The following BMP7 variants were observed in gnomAD, a reference collection of about 807,000 sequenced individuals.
BMP7 encodes the protein bone morphogenetic protein 7.
A neutral mutation model predicts 41.2 loss-of-function variants in BMP7; 12 were observed. The ratio of observed to expected loss-of-function variants is 0.29; its 90% CI spans 0.19 to 0.47. BMP7 has a LOEUF of 0.47. BMP7 is among the 20% of genes least tolerant of loss of function. The pLI is 0.99. For missense variants in BMP7, 467 were observed against 606.0 expected (o/e 0.77, Z 2.41); for synonymous variants, 248 against 250.0 (o/e 0.99, Z 0.07).
intron 3 of BMP7, among the ~76,000 whole-genome samples, chr20:57,190,776 G>A (rs1328269231): frequency 1.3e-5 from 2 of 152,158 alleles, no homozygotes; most frequent in African/African-American, 4.8e-5. Context: ...CAACAACTTA[G>A]GGGAAGGATG....
intron 2 of BMP7, among the ~76,000 whole-genome samples, chr20:57,212,038 A>G (rs1984899697): frequency 6.6e-6 from 1 of 152,246 alleles, no homozygotes; most frequent in African/African-American, 2.4e-5. Flanking sequence ...CCAGAGACAC[A>G]GCGGCAGCCA....
At chr20:57,233,579 G>A (rs2066036888) in intron 1 of BMP7, among the ~76,000 whole-genome samples, 1 of 152,218 alleles carries the variant, frequency 6.6e-6, no homozygotes, top group Non-Finnish European at 1.5e-5. Flanking sequence ...GCCATGCCAG[G>A]GAAGACTTCT....
At chr20:57,255,799 C>CAA (rs3067106) in intron 1 of BMP7, among the ~76,000 whole-genome samples, 8,898 of 48,488 alleles carry the variant, frequency 0.18, 1,446 homozygotes, top group Middle Eastern at 0.27. Flanking sequence ...GACTCCATCT[C>CAA]AAAAAAAAAA....
intron 2 of BMP7, among the ~76,000 whole-genome samples, chr20:57,216,167 A>G (rs79016000): frequency 0.024 from 3,596 of 152,196 alleles, 138 homozygotes; most frequent in African/African-American, 0.081. Flanking sequence ...GGCTGAGGAC[A>G]TCAGCTTGCA....
At chr20:57,249,849 C>G (rs2066105125) in intron 1 of BMP7, among the ~76,000 whole-genome samples, 1 of 152,292 alleles carries the variant, frequency 6.6e-6, no homozygotes, top group African/African-American at 2.4e-5. Flanking sequence ...TGAGAGTTCC[C>G]TGCAGGTGAG....
intron 2 of BMP7, among the ~76,000 whole-genome samples, chr20:57,221,531 G>A (rs536324128): frequency 6.6e-6 from 1 of 152,268 alleles, no homozygotes; most frequent in Non-Finnish European, 1.5e-5. Flanking sequence ...GAGGGTGTGG[G>A]AGCAGGCACG....
At position 57,214,057 on chromosome 20, in the gene BMP7, T is replaced by G. The variant is rs1984955693; in HGVS notation, c.612-11434A>C. Among the ~76,000 whole-genome samples the G allele has an allele frequency of 6.6e-6, 1 of 152,168 alleles. No homozygotes were observed. The highest frequency in any genetic ancestry group is 6.5e-5 in the Admixed American group (1 of 15,286). Reference sequence around the variant, plus strand: ...GCAGTGAGCTGACCCCAACTCAAGATGGAACCATCTTAGAACAAGGTGCGG... The same window carrying G: ...GCAGTGAGCTGACCCCAACTCAAGAGGGAACCATCTTAGAACAAGGTGCGG... On this transcript the variant is annotated intron_variant, in intron 2 of 6. Transcript: ENST00000395863. This position sits in a 1 kb window ranked among gnomAD's most constrained non-coding sequence, Gnocchi z 4.0.
At chr20:57,176,546 C>T (rs1440311916) in intron 4 of BMP7, among the ~76,000 whole-genome samples, 3 of 152,068 alleles carry the variant, frequency 2.0e-5, no homozygotes, top group East Asian at 1.9e-4. Flanking sequence ...GAGTCTAACT[C>T]GTGAGTCAAG....
intron 3 of BMP7, among the ~76,000 whole-genome samples, chr20:57,197,193 C>A (rs561963487): frequency 6.6e-6 from 1 of 152,066 alleles, no homozygotes; most frequent in East Asian, 1.9e-4. Context: ...AGCCACCGCA[C>A]CCGGCCCTAA....
chr20:57,170,728 G>T lies in BMP7; in HGVS notation c.*231C>A. On this transcript the variant is annotated 3_prime_UTR_variant, in exon 7 of 7. Transcript: ENST00000395863. Reference sequence around the variant, plus strand: ...TCTTTATGCGTTGTTTTTTTTTCCTGCTAGGTTTTGCCTGCACAGCTTGTA... The same window carrying T: ...TCTTTATGCGTTGTTTTTTTTTCCTTCTAGGTTTTGCCTGCACAGCTTGTA... 3.7e-6 allele frequency: 2 copies of T among 539,676 alleles called. No homozygotes were observed. Among genetic ancestry groups the T allele is most frequent in the Non-Finnish European group, 3.3e-6 (1 of 307,322 alleles). 33.4% of individuals were successfully genotyped at this position (539,676 alleles called of 1,614,324 possible). A position where few individuals can be genotyped will look rare whatever the true frequency, so the allele number is the denominator to read the frequency against.
intron 2 of BMP7, among the ~76,000 whole-genome samples, chr20:57,226,125 C>A (rs1308163943): frequency 6.6e-6 from 1 of 152,244 alleles, no homozygotes; most frequent in Non-Finnish European, 1.5e-5. Flanking sequence ...AGGCCTGCTG[C>A]CCAACCCTGC....
At chr20:57,250,992 T>A (rs922895885) in intron 1 of BMP7, among the ~76,000 whole-genome samples, 14 of 152,178 alleles carry the variant, frequency 9.2e-5, no homozygotes, top group South Asian at 2.1e-4. Context: ...GGGGCCACCG[T>A]GCCCACTGCC....
chr20:57,224,846 C>G lies in BMP7; in HGVS notation c.611+3383G>C, dbSNP rs116777572. 2 of 152,288 alleles carry G rather than the reference C, an allele frequency of 1.3e-5. No homozygotes were observed. Among genetic ancestry groups the G allele is most frequent in the African/African-American group, 4.8e-5 (2 of 41,464 alleles). 9.4% of individuals were successfully genotyped at this position (152,288 alleles called of 1,614,324 possible). ...TCTGGGGCCGCGCTTTAAGCAGAGC[C>G]GCAGGGCTATGGAAGGCCTCCAGCT... On this transcript the variant is annotated intron_variant, in intron 2 of 6. Transcript: ENST00000395863. The surrounding 1 kb of genome is among the most constrained non-coding windows in gnomAD (Gnocchi z 4.8).
intron 1 of BMP7, among the ~76,000 whole-genome samples, chr20:57,252,941 A>T (rs1223621091): frequency 6.6e-6 from 1 of 152,202 alleles, no homozygotes; most frequent in Admixed American, 6.5e-5. Flanking sequence ...GAATGCTGCC[A>T]AACATCCTAT....
At chr20:57,205,414 T>C (rs1984708455) in intron 2 of BMP7, among the ~76,000 whole-genome samples, 1 of 152,264 alleles carries the variant, frequency 6.6e-6, no homozygotes, top group Non-Finnish European at 1.5e-5. Flanking sequence ...AATTTCCTGC[T>C]GTCTTATCTC....
Position 57,171,938 on chromosome 20 carries a change from C to T in BMP7, c.1147-830G>A, listed in dbSNP as rs545442155. ...GCAAATTCCAGCCATCAGCTCATTT[C>T]CTCTGGAAGCATTTCATCAGGACTC... On this transcript the variant is annotated intron_variant, in intron 6 of 6. Transcript: ENST00000395863. The surrounding 1 kb of genome is among the most constrained non-coding windows in gnomAD (Gnocchi z 4.5). Among the ~76,000 whole-genome samples, 4 of 152,380 alleles carry T rather than the reference C, an allele frequency of 2.6e-5. No individual in the cohort carries two copies. Among genetic ancestry groups the T allele is most frequent in the South Asian group, 4.1e-4 (2 of 4,824 alleles).
intron 1 of BMP7, among the ~76,000 whole-genome samples, chr20:57,251,459 C>T (rs1275581318): frequency 1.3e-5 from 2 of 152,220 alleles, no homozygotes; most frequent in Admixed American, 6.5e-5. Flanking sequence ...CTGTGTTCGA[C>T]ATCACCCTTG....
At chr20:57,207,952 C>A (rs1984780087) in intron 2 of BMP7, among the ~76,000 whole-genome samples, 1 of 151,432 alleles carries the variant, frequency 6.6e-6, no homozygotes, top group East Asian at 1.9e-4. Flanking sequence ...GCCTCAGCCT[C>A]CCCAGTAGCT....
At chr20:57,193,642 G>T (rs1219930710) in intron 3 of BMP7, among the ~76,000 whole-genome samples, 2 of 152,112 alleles carry the variant, frequency 1.3e-5, no homozygotes, top group African/African-American at 4.8e-5. Flanking sequence ...ATTCCTTTTT[G>T]CTGTATGTAA....
Sources: allele counts gnomAD v4.1 joint callset (sites outside exome capture counted in the v4.1 genomes callset), GRCh38; gene constraint gnomAD v4.1.1; non-coding constraint Gnocchi (gnomAD v3.1); transcripts MANE v1.5; gene names NCBI Gene and HGNC (gene_info 2026-07-23, HGNC 2026-07-21).